The following CSMD1 variants were observed in gnomAD, a reference collection of about 807,000 sequenced individuals.
The protein encoded by CSMD1 is CUB and sushi domain-containing protein 1.
A neutral mutation model predicts 417.5 loss-of-function variants in CSMD1; 213 were observed. The observed-to-expected ratio is 0.51, with a 90% CI of 0.46 to 0.57. CSMD1 has a LOEUF of 0.57. Ranked by LOEUF, CSMD1 falls within the 20% of genes least tolerant of loss-of-function variation. The pLI, the probability that CSMD1 is intolerant of heterozygous loss-of-function variation, is 0.00. For synonymous variants in CSMD1, 2,862 were observed against 1,736.8 expected (o/e 1.65, Z -16.11); for missense variants, 6,923 against 4,529.7 (o/e 1.53, Z -15.17).
intron 46 of CSMD1, among the ~76,000 whole-genome samples, chr8:3,100,225 T>C (rs947188467): frequency 4.6e-5 from 7 of 152,274 alleles, no homozygotes; most frequent in African/African-American, 7.2e-5. Flanking sequence ...CTAATTTTTG[T>C]ATTTTTATTT....
At chr8:3,662,683 T>C (rs1012058506) in intron 7 of CSMD1, among the ~76,000 whole-genome samples, 1 of 152,130 alleles carries the variant, frequency 6.6e-6, no homozygotes, top group Non-Finnish European at 1.5e-5. Context: ...GTTCATGTCC[T>C]TTGCAGGGAC....
chr8:4,702,559 A>G (rs7828501), intron 1 of CSMD1, among the ~76,000 whole-genome samples: 73,443 of 152,068 alleles, frequency 0.48, 18,023 homozygotes, highest in South Asian at 0.6. Context: ...TGAATTATAA[A>G]TCATCTGAAA....
At chr8:3,306,164 G>A (rs1031243675) in intron 25 of CSMD1, among the ~76,000 whole-genome samples, 1 of 152,170 alleles carries the variant, frequency 6.6e-6, no homozygotes, top group African/African-American at 2.4e-5. Flanking sequence ...TTATAGGGTT[G>A]CAGTGAAGTA....
Position 4,887,673 on chromosome 8 carries a change from C to CTTTA in CSMD1, c.85+106655_85+106658dup, listed in dbSNP as rs533279516. 7.5e-4 allele frequency among the ~76,000 whole-genome samples: 114 copies of CTTTA among 151,544 alleles called. 2 individuals carry two copies. The highest frequency in any genetic ancestry group is 6.8e-3 in the Middle Eastern group (2 of 292). On this transcript the variant is annotated intron_variant, in intron 1 of 69. Coordinates refer to ENST00000635120, the MANE Select transcript of CSMD1 (RefSeq NM_033225.6). ...ACTGGTTTTGCTTTATTTATATTTGCTTTATTTATTTATTTATTTGCTTTA... is the reference window on the plus strand; with the variant it reads ...ACTGGTTTTGCTTTATTTATATTTGCTTTATTTATTTATTTATTTATTTGCTTTA...
chr8:4,337,000 G>A (rs1032376161), intron 3 of CSMD1, among the ~76,000 whole-genome samples: 2 of 152,056 alleles, frequency 1.3e-5, no homozygotes, highest in African/African-American at 4.8e-5. Context: ...CAGAATGGCT[G>A]ACTGGCCTGC....
At chr8:4,280,162 T>A (rs1796701206) in intron 3 of CSMD1, among the ~76,000 whole-genome samples, 3 of 152,214 alleles carry the variant, frequency 2.0e-5, no homozygotes, top group Admixed American at 2.0e-4. Context: ...AGAAGTACGC[T>A]TAAAAGAAGA....
rs537776392 is a variant in CSMD1 at position 4,931,597 on chromosome 8, G to A, written c.85+62735C>T. On this transcript the variant is annotated intron_variant, in intron 1 of 69. Coordinates refer to ENST00000635120, the MANE Select transcript of CSMD1 (RefSeq NM_033225.6). ...AGAAAAAAGTCTGGTTTATAGCTAC[G>A]TTATAAACTAGCTGTGTCCTGCAAC... 3.7e-3 allele frequency among the ~76,000 whole-genome samples: 558 copies of A among 152,260 alleles called. 7 individuals carry two copies. Among genetic ancestry groups the A allele is most frequent in the African/African-American group, 0.013 (532 of 41,554 alleles).
intron 1 of CSMD1, among the ~76,000 whole-genome samples, chr8:4,709,468 G>A (rs745492133): frequency 6.6e-6 from 1 of 152,190 alleles, no homozygotes; most frequent in Non-Finnish European, 1.5e-5. Context: ...CTGTCCATAG[G>A]ACGTAAGGAA....
At chr8:3,963,121 G>A (rs964544051) in intron 5 of CSMD1, among the ~76,000 whole-genome samples, 1 of 151,900 alleles carries the variant, frequency 6.6e-6, no homozygotes, top group African/African-American at 2.4e-5. Flanking sequence ...TAGTAGAGAC[G>A]GGGTTTTACC....
chr8:3,633,593 CTTAA>C (rs986044715), intron 7 of CSMD1, among the ~76,000 whole-genome samples: 2 of 152,112 alleles, frequency 1.3e-5, no homozygotes, highest in African/African-American at 4.8e-5. Flanking sequence ...AAATTTTCAT[CTTAA>C]TTTGAAAGGA....
At chr8:3,554,030 A>G (rs1043122830) in intron 10 of CSMD1, among the ~76,000 whole-genome samples, 1 of 152,206 alleles carries the variant, frequency 6.6e-6, no homozygotes, top group Non-Finnish European at 1.5e-5. Context: ...AAAAATAAGT[A>G]AACATTATAG....
chr8:4,823,590 G>A (rs542636052), intron 1 of CSMD1, among the ~76,000 whole-genome samples: 9 of 152,136 alleles, frequency 5.9e-5, no homozygotes, highest in African/African-American at 2.2e-4. Context: ...GCAAAGATGG[G>A]CATTTGCCCA....
intron 3 of CSMD1, among the ~76,000 whole-genome samples, chr8:4,039,531 A>G (rs1380650194): frequency 6.6e-6 from 1 of 152,188 alleles, no homozygotes; most frequent in African/African-American, 2.4e-5. Context: ...CAAAGCATTT[A>G]TGACAAAAGC....
At chr8:4,539,295 T>A (rs1237202542) in intron 2 of CSMD1, among the ~76,000 whole-genome samples, 1 of 152,238 alleles carries the variant, frequency 6.6e-6, no homozygotes, top group Admixed American at 6.5e-5. Flanking sequence ...ATATGTGGGA[T>A]GTAAAATATA....
chr8:4,951,546 G>GA (rs752980302), intron 1 of CSMD1, among the ~76,000 whole-genome samples: 5 of 142,764 alleles, frequency 3.5e-5, no homozygotes, highest in African/African-American at 1.3e-4. Context: ...GAAAAGAAAA[G>GA]AAAAAAGGAA....
intron 5 of CSMD1, among the ~76,000 whole-genome samples, chr8:3,902,147 CAAGCACTGTAGCAACATTGCTACTAAT>C (rs1807798270): frequency 6.6e-6 from 1 of 152,140 alleles, no homozygotes; most frequent in South Asian, 2.1e-4. Context: ...CAACAATCTT[CAAGCACTGTAGCAACATTGCTACTAAT>C]AAAATGGAGA....
At chr8:3,554,225 T>C (rs1368893756) in intron 10 of CSMD1, among the ~76,000 whole-genome samples, 7 of 152,224 alleles carry the variant, frequency 4.6e-5, no homozygotes, top group African/African-American at 1.4e-4. Context: ...TGTTTTTCTT[T>C]ATAAGAACAG....
At chr8:4,068,171 C>T (rs933316626) in intron 3 of CSMD1, among the ~76,000 whole-genome samples, 15 of 152,100 alleles carry the variant, frequency 9.9e-5, no homozygotes, top group Non-Finnish European at 1.9e-4. Context: ...TTAGGGTTTT[C>T]TTAGGAAAGG....
intron 12 of CSMD1, among the ~76,000 whole-genome samples, chr8:3,421,103 T>C (rs907442622): frequency 2.0e-5 from 3 of 152,248 alleles, no homozygotes; most frequent in Non-Finnish European, 4.4e-5. Flanking sequence ...TCTATGCTCA[T>C]TTTCAGTATG....
Sources: allele counts gnomAD v4.1 joint callset (sites outside exome capture counted in the v4.1 genomes callset), GRCh38; gene constraint gnomAD v4.1.1; transcripts MANE v1.5; gene names NCBI Gene and HGNC (gene_info 2026-07-23, HGNC 2026-07-21).